Variants in RIMS4 observed in about 807,000 individuals in gnomAD.
RIMS4 encodes the protein regulating synaptic membrane exocytosis protein 4.
Under a neutral mutation model 29.0 loss-of-function variants are expected in RIMS4, and 9 were observed. The ratio of observed to expected loss-of-function variants is 0.31; its 90% CI spans 0.19 to 0.54. The LOEUF (loss-of-function observed/expected upper bound fraction) is 0.54. RIMS4 is among the 20% of genes least tolerant of loss of function. The pLI, the probability that RIMS4 is intolerant of heterozygous loss-of-function variation, is 0.94. For missense variants in RIMS4, 193 were observed against 365.7 expected, an observed-to-expected ratio of 0.53 and a Z score of 3.85; for synonymous variants, 130 against 152.9, an observed-to-expected ratio of 0.85 and a Z score of 1.10.
intron 2 of RIMS4, among the ~76,000 whole-genome samples, chr20:44,769,445 G>A (rs2066127438): frequency 1.3e-5 from 2 of 152,166 alleles, no homozygotes. Context: ...GTCCACTGAT[G>A]TGCTCAAGCC....
chr20:44,809,839 G>A (rs1321779732), intron 1 of RIMS4, among the ~76,000 whole-genome samples: 1 of 152,050 alleles, frequency 6.6e-6, no homozygotes, highest in Non-Finnish European at 1.5e-5. Flanking sequence ...TGAAGAGTGG[G>A]CACATTCAGG....
Position 44,757,979 on chromosome 20 carries a change from C to A in RIMS4, c.349+93G>T, listed in dbSNP as rs2066067923. On this transcript the variant is annotated intron_variant, in intron 3 of 5. Transcript: ENST00000372851. ...TAGGCGGCATGCGCAGAGGATGGATCAACAGGCAAAGGGGAAGGAGGGAGA... is the reference window on the plus strand; with the variant it reads ...TAGGCGGCATGCGCAGAGGATGGATAAACAGGCAAAGGGGAAGGAGGGAGA... 6.6e-6 allele frequency: 7 copies of A among 1,067,532 alleles called. No homozygotes were observed. The East Asian group carries it at 1.7e-4, about 25-fold the overall frequency. 66.1% of individuals were successfully genotyped at this position (1,067,532 alleles called of 1,614,324 possible).
At chr20:44,780,876 G>A (rs184194046) in intron 1 of RIMS4, among the ~76,000 whole-genome samples, 1 of 152,228 alleles carries the variant, frequency 6.6e-6, no homozygotes, top group East Asian at 1.9e-4. Flanking sequence ...GGGGCAAAAG[G>A]CACATGATAA....
chr20:44,805,155 A>C (rs1013896017), intron 1 of RIMS4, among the ~76,000 whole-genome samples: 2 of 151,784 alleles, frequency 1.3e-5, no homozygotes, highest in Non-Finnish European at 2.9e-5. Flanking sequence ...AAAAAAAGAA[A>C]ATTAGCCAGG....
At chr20:44,775,828 G>C (rs1013744767) in intron 1 of RIMS4, among the ~76,000 whole-genome samples, 2 of 152,188 alleles carry the variant, frequency 1.3e-5, no homozygotes, top group African/African-American at 4.8e-5. Context: ...AACTGTAGTT[G>C]TACCCATTTA....
rs77916754 is a variant in RIMS4 at position 44,800,312 on chromosome 20, C to T, written c.97+9863G>A. On this transcript the variant is annotated intron_variant, in intron 1 of 5. Transcript: ENST00000372851. ...GCTGAGTAGAAGGGAGATGCCATTT[C>T]TTTGGATGTCCTCTGGTGCTGTTCG... Among the ~76,000 whole-genome samples, 1,510 of 152,156 alleles carry T rather than the reference C, an allele frequency of 9.9e-3. 69 individuals are homozygous for T. In the East Asian group the frequency reaches 0.11, roughly 11 times the overall value.
At chr20:44,761,156 C>T (rs1216602702) in intron 2 of RIMS4, among the ~76,000 whole-genome samples, 4 of 152,160 alleles carry the variant, frequency 2.6e-5, no homozygotes, top group Non-Finnish European at 4.4e-5. Flanking sequence ...TTAGCAACAG[C>T]GAACTCCCAG....
chr20:44,771,189 G>C, intron 2 of RIMS4, 86 bp downstream of exon 2: 1 of 1,486,316 alleles, frequency 6.7e-7, no homozygotes, highest in Admixed American at 2.0e-5. Context: ...AGCTGCCCTA[G>C]GGCTCCCAGA....
chr20:44,776,576 T>G (rs1038584366), intron 1 of RIMS4, among the ~76,000 whole-genome samples: 1 of 152,218 alleles, frequency 6.6e-6, no homozygotes, highest in Non-Finnish European at 1.5e-5. Context: ...AGGCACTCTG[T>G]ACTTCAGTTT....
chr20:44,790,298 G>C (rs2066227374), intron 1 of RIMS4, among the ~76,000 whole-genome samples: 1 of 152,182 alleles, frequency 6.6e-6, no homozygotes, highest in South Asian at 2.1e-4. Flanking sequence ...AGGACACACT[G>C]TTAAAAAACA....
intron 1 of RIMS4, among the ~76,000 whole-genome samples, chr20:44,787,655 G>A (rs2066214764): frequency 6.6e-6 from 1 of 151,236 alleles, no homozygotes; most frequent in Non-Finnish European, 1.5e-5. Context: ...AAAATCTGCT[G>A]GGAGCTGCTT....
At chr20:44,796,685 G>C (rs1298305873) in intron 1 of RIMS4, among the ~76,000 whole-genome samples, 1 of 152,228 alleles carries the variant, frequency 6.6e-6, no homozygotes, top group African/African-American at 2.4e-5. Context: ...GGTGACCCTG[G>C]AGCCCTGGAG....
In RIMS4 at chr20:44,774,947, A is replaced by ACACCCTCT. The variant is rs762828958; in HGVS notation, c.98-3542_98-3535dup. Among the ~76,000 whole-genome samples, 88 of 151,784 alleles carry ACACCCTCT rather than the reference A, an allele frequency of 5.8e-4. 1 individual carries two copies. Among genetic ancestry groups the ACACCCTCT allele is most frequent in the Non-Finnish European group, 2.1e-4 (14 of 67,966 alleles). On this transcript the variant is annotated intron_variant, in intron 1 of 5. Transcript: ENST00000372851. ...GCCTCTGGCCACCAAGTCACCCACC[A>ACACCCTCT]CACCCTCTCTGATCTCTCAGTGTGG...
rs1263314206 is a variant in RIMS4, at chr20:44,754,511, C to G, written c.*1623G>C. 6.5e-6 allele frequency: 1 copy of G among 155,028 alleles called. No homozygotes were observed. The highest frequency in any genetic ancestry group is 6.5e-5 in the Admixed American group (1 of 15,282). 9.6% of individuals were successfully genotyped at this position (155,028 alleles called of 1,614,324 possible). A position where few individuals can be genotyped will look rare whatever the true frequency, so the allele number is the denominator to read the frequency against. On this transcript the variant is annotated 3_prime_UTR_variant, in exon 6 of 6. Transcript: ENST00000372851. The stretch of plus-strand genomic sequence containing the variant: ...GCCCCCTCTGCCAAGGTCCTACAAC[C>G]CTTAGGAGTCCCTCATAAAGAAAGT...
Position 44,756,843 on chromosome 20 carries a change from C to T in RIMS4, c.591+55G>A. 6.4e-7 allele frequency: 1 copy of T among 1,562,840 alleles called. No individual in the cohort carries two copies. Among genetic ancestry groups the T allele is most frequent in the Non-Finnish European group, 8.7e-7 (1 of 1,150,204 alleles). ...GGGGTGCCCTCCTCTCATTCTGGTA[C>T]TGTGCATGTGTGCTCGTGCACACAC... On this transcript the variant is annotated intron_variant, in intron 5 of 5. Coordinates refer to ENST00000372851, the MANE Select transcript of RIMS4 (RefSeq NM_182970.4). This position sits in a 1 kb window ranked among gnomAD's most constrained non-coding sequence, Gnocchi z 5.9.
chr20:44,764,401 G>GA (rs2066105021), intron 2 of RIMS4, among the ~76,000 whole-genome samples: 1 of 152,174 alleles, frequency 6.6e-6, no homozygotes, highest in African/African-American at 2.4e-5. Flanking sequence ...ATCAAAAACA[G>GA]AAAAAGGCAA....
At chr20:44,803,687 G>A (rs1345157065) in intron 1 of RIMS4, among the ~76,000 whole-genome samples, 1 of 152,132 alleles carries the variant, frequency 6.6e-6, no homozygotes, top group Non-Finnish European at 1.5e-5. Flanking sequence ...GGGGAGGGGG[G>A]ATGGCGCTCT....
chr20:44,793,310 T>C (rs6031797), intron 1 of RIMS4, among the ~76,000 whole-genome samples: 72,170 of 152,126 alleles, frequency 0.47, 18,846 homozygotes, highest in African/African-American at 0.69. Context: ...ATGTTCTATC[T>C]TTTCATTCTG....
chr20:44,799,038 C>A (rs550772243), intron 1 of RIMS4, among the ~76,000 whole-genome samples: 50 of 152,368 alleles, frequency 3.3e-4, no homozygotes, highest in African/African-American at 1.2e-3. Context: ...TGTGGTGGCT[C>A]ATGCCTGTAA....
Sources: gnomAD v4.1 joint callset for allele counts (sites outside exome capture counted in the v4.1 genomes callset) on GRCh38, gnomAD v4.1.1 for gene constraint, Gnocchi (gnomAD v3.1) non-coding constraint, MANE v1.5 for transcripts, NCBI Gene and HGNC (gene_info 2026-07-23, HGNC 2026-07-21) for gene names.